HROB: variants seen among roughly 807,000 people sequenced by gnomAD.
The protein encoded by HROB is homologous recombination factor with OB-fold.
Under a neutral mutation model 61.0 loss-of-function variants are expected in HROB, and 44 were observed. That is an observed-to-expected ratio of 0.72 (90% CI 0.57 to 0.93). HROB has a LOEUF of 0.93. Ranked by LOEUF, HROB falls within the 40% of genes least tolerant of loss-of-function variation. The pLI, the probability that HROB is intolerant of heterozygous loss-of-function variation, is 0.00. For missense variants in HROB, 716 were observed against 796.2 expected, an observed-to-expected ratio of 0.90 and a Z score of 1.21; for synonymous variants, 301 against 310.4, an observed-to-expected ratio of 0.97 and a Z score of 0.32.
At chr17:44,160,888 C>G (rs1417862876) in intron 9 of HROB, among the ~76,000 whole-genome samples, 1 of 152,098 alleles carries the variant, frequency 6.6e-6, no homozygotes, top group Admixed American at 6.6e-5. Flanking sequence ...CTGGTAGTGA[C>G]AGAGAGTTGA....
Position 44,148,127 on chromosome 17 carries a change from C to G in HROB, c.324C>G (p.Ser108Arg). ...CCCTAAGGCCTGTCTCTACTTCCAG[C>G]AGCTGGATTGGCAATCAGAGAAGAG... ...AAPLRPVSTS[S>R]SWIGNQRRVT... Residue 108 changes from serine (S) to arginine (R), a missense_variant, in exon 3 of 10, where the codon AGC becomes AGG. Coordinates refer to ENST00000585683, the MANE Select transcript of HROB (RefSeq NM_001171251.3). 1 of 1,614,206 alleles carries G rather than the reference C, an allele frequency of 6.2e-7. No individual in the cohort carries two copies. The highest frequency in any genetic ancestry group is 8.5e-7 in the Non-Finnish European group (1 of 1,180,032).
intron 8 of HROB, among the ~76,000 whole-genome samples, chr17:44,157,554 C>T (rs1255939083): frequency 6.6e-6 from 1 of 151,884 alleles, no homozygotes; most frequent in Non-Finnish European, 1.5e-5. Context: ...GCTAGGATTA[C>T]AGGCGTGTGC....
At chr17:44,156,501 G>A (rs918308147) in intron 8 of HROB, among the ~76,000 whole-genome samples, 1 of 152,054 alleles carries the variant, frequency 6.6e-6, no homozygotes, top group Non-Finnish European at 1.5e-5. Flanking sequence ...TGGGATTATA[G>A]GCATGAGCCA....
rs1213767118 is a variant in HROB at position 44,142,106 on chromosome 17, G to A, written c.-37G>A. 2 of 1,530,336 alleles carry A rather than the reference G, an allele frequency of 1.3e-6. No homozygotes were observed. The highest frequency in any genetic ancestry group is 1.2e-5 in the South Asian group (1 of 83,862). The allele number at this position is 1,530,336 out of a possible 1,614,324, so 94.8% of individuals were successfully genotyped here. A position where few individuals can be genotyped will look rare whatever the true frequency, so the allele number is the denominator to read the frequency against. ...GGCGACTCCCCGGACTCGGGGTGCC[G>A]GGCCAACCTCCCCGCCGAGGCCCAC... On this transcript the variant is annotated 5_prime_UTR_variant, in exon 1 of 10. Transcript: ENST00000585683.
intron 8 of HROB, among the ~76,000 whole-genome samples, chr17:44,155,931 G>A (rs2053956460): frequency 6.6e-6 from 1 of 152,184 alleles, no homozygotes; most frequent in South Asian, 2.1e-4. Flanking sequence ...TGGGAGGTAA[G>A]CATGGGCTTC....
rs762100186 is a variant in HROB at position 44,161,829 on chromosome 17, T to C, written c.1880-42T>C. 11 of 1,597,324 alleles carry C rather than the reference T, an allele frequency of 6.9e-6. No homozygotes were observed. In the East Asian group the frequency reaches 1.8e-4, roughly 26 times the overall value. Reference sequence around the variant, plus strand: ...TTTGGACCTGAGTCACATGGAATGCTGATGTTGTCACTAAGGCTACCCATC... The same window carrying C: ...TTTGGACCTGAGTCACATGGAATGCCGATGTTGTCACTAAGGCTACCCATC... On this transcript the variant is annotated intron_variant, in intron 9 of 9. Coordinates refer to ENST00000585683, the MANE Select transcript of HROB (RefSeq NM_001171251.3).
chr17:44,147,436 C>CT (rs34538292), intron 2 of HROB, among the ~76,000 whole-genome samples: 4,833 of 114,734 alleles, frequency 0.042, 134 homozygotes, highest in African/African-American at 0.074. Context: ...TCTTTTCTTT[C>CT]TTTTTTTTTT....
intron 1 of HROB, 147 bp downstream of exon 1, chr17:44,142,292 C>T (rs111830516): frequency 8.3e-6 from 9 of 1,089,652 alleles, no homozygotes; most frequent in African/African-American, 1.7e-5. Context: ...CCTGGGCTGT[C>T]GTCAGGGCTT....
In HROB at chr17:44,148,266, C is replaced by T. The variant is rs749656674; in HGVS notation, c.463C>T (p.Gln155Ter). 1 of 1,614,148 alleles carries T rather than the reference C, an allele frequency of 6.2e-7. No individual in the cohort carries two copies. Residue 155 changes from glutamine (Q) to a stop codon, truncating the protein, a stop_gained, in exon 3 of 10, where the codon CAA becomes TAA. Transcript: ENST00000585683. LOFTEE classifies it high-confidence loss of function. ...QQVGGFEGPEQDEFDKVLASM... is the reference protein window; with the variant it reads ...QQVGGFEGPE ...AGTTGGTGGCTTTGAGGGGCCTGAA[C>T]AAGACGAATTTGATAAAGTCCTGGC...
chr17:44,154,523 G>A, intron 5 of HROB, 33 bp from the exon 6 acceptor site: 1 of 1,611,536 alleles, frequency 6.2e-7, no homozygotes, highest in East Asian at 2.2e-5. Flanking sequence ...GTGGGCCGTG[G>A]AAGGCTCAGC....
chr17:44,156,382 A>G (rs1469465430), intron 8 of HROB, among the ~76,000 whole-genome samples: 4 of 151,898 alleles, frequency 2.6e-5, no homozygotes, highest in East Asian at 1.9e-4. Flanking sequence ...ACCATGCCCA[A>G]CTAAATCTTT....
chr17:44,151,185 T>A, intron 4 of HROB, 141 bp downstream of exon 4: 1 of 891,032 alleles, frequency 1.1e-6, no homozygotes. Context: ...TTGAGGCAGG[T>A]AGTTGGGGGA....
At chr17:44,154,993 G>C (rs1043270254) in intron 7 of HROB, 55 bp downstream of exon 7, 99 of 1,570,750 alleles carry the variant, frequency 6.3e-5, no homozygotes, top group Non-Finnish European at 7.4e-5. Context: ...CTCAGTGTCT[G>C]TCTCCTTACC....
rs762045056 is a variant in HROB at position 44,151,016 on chromosome 17, A to G, written c.1280A>G (p.His427Arg). The change falls in exon 4 of 10, where the codon CAT becomes CGT. Residue 427 changes from histidine (H) to arginine (R), a missense_variant. Transcript: ENST00000585683. ...IMVSAPQTPT[H>R]GALAKFQTEI... Reference sequence around the variant, plus strand: ...GTTTCCGCGCCCCAAACTCCAACCCATGGTGCTCTGGCTAAATTCCAGACA... The same window carrying G: ...GTTTCCGCGCCCCAAACTCCAACCCGTGGTGCTCTGGCTAAATTCCAGACA... 5.0e-6 allele frequency: 8 copies of G among 1,613,068 alleles called. No individual in the cohort carries two copies. The highest frequency in any genetic ancestry group is 2.2e-5 in the South Asian group (2 of 91,018).
chr17:44,157,402 T>C (rs1322453633), intron 8 of HROB, among the ~76,000 whole-genome samples: 1 of 121,010 alleles, frequency 8.3e-6, no homozygotes, highest in Non-Finnish European at 1.7e-5. Flanking sequence ...TTCCATCATG[T>C]TTCTTTTTTT....
chr17:44,156,091 C>A (rs1286072803), intron 8 of HROB, among the ~76,000 whole-genome samples: 2 of 152,094 alleles, frequency 1.3e-5, no homozygotes, highest in African/African-American at 4.8e-5. Context: ...ATCTATAGTA[C>A]GTTTGACTTG....
chr17:44,152,756 C>T lies in HROB; in HGVS notation c.1428C>T (p.Ser476=), dbSNP rs1288571315. 1.2e-6 allele frequency: 2 copies of T among 1,613,950 alleles called. No homozygotes were observed. The highest frequency in any genetic ancestry group is 2.2e-5 in the East Asian group (1 of 44,900). Residue 476 remains serine (S), a synonymous_variant, in exon 5 of 10, where the codon AGC becomes AGT. Transcript: ENST00000585683. ...RDPSCFLCTY[S]IVMVLRKAAL... is the part of the protein sequence containing the mutation. ...CTAGCTGCTTCCTCTGTACCTACAG[C>T]ATTGTCATGGTGCTGCGCAAGGTAA...
At chr17:44,152,229 C>T (rs1324590421) in intron 4 of HROB, among the ~76,000 whole-genome samples, 3 of 152,112 alleles carry the variant, frequency 2.0e-5, no homozygotes, top group African/African-American at 7.2e-5. Flanking sequence ...ATCCACCCGC[C>T]TCGGCCTTCC....
In HROB at chr17:44,162,037, C is replaced by A; in HGVS notation, c.*105C>A. ...GGCCAGCATGATTGGAGAGTGGACA[C>A]AGCCGGGGGGCTTCTGTGGTTGCTC... On this transcript the variant is annotated 3_prime_UTR_variant, in exon 10 of 10. Transcript: ENST00000585683. 2 of 1,322,538 alleles carry A rather than the reference C, an allele frequency of 1.5e-6. No homozygotes were observed. Among genetic ancestry groups the A allele is most frequent in the Non-Finnish European group, 2.1e-6 (2 of 936,638 alleles). 81.9% of individuals were successfully genotyped at this position (1,322,538 alleles called of 1,614,324 possible). A position where few individuals can be genotyped will look rare whatever the true frequency, so the allele number is the denominator to read the frequency against.
Sources: allele counts gnomAD v4.1 joint callset (sites outside exome capture counted in the v4.1 genomes callset), GRCh38; gene constraint gnomAD v4.1.1; transcripts MANE v1.5; gene names NCBI Gene and HGNC (gene_info 2026-07-23, HGNC 2026-07-21).